WDR35: variants seen among roughly 807,000 people sequenced by gnomAD.
The protein encoded by WDR35 is WD repeat-containing protein 35.
A neutral mutation model predicts 158.3 loss-of-function variants in WDR35; 118 were observed. The ratio of observed to expected loss-of-function variants is 0.75; its 90% CI spans 0.64 to 0.87. The LOEUF (loss-of-function observed/expected upper bound fraction) is 0.87. WDR35 is among the 40% of genes least tolerant of loss of function. The probability of loss-of-function intolerance (pLI) is 0.00; values close to 1 mark genes in which losing one functional copy is unlikely to be tolerated. For synonymous variants in WDR35, 448 were observed against 476.1 expected (o/e 0.94, Z 0.77); for missense variants, 1,263 against 1,405.8 (o/e 0.90, Z 1.62).
At chr2:19,953,188 A>G (rs1318489688) in intron 12 of WDR35, among the ~76,000 whole-genome samples, 1 of 152,166 alleles carries the variant, frequency 6.6e-6, no homozygotes, top group Non-Finnish European at 1.5e-5. Context: ...GAGTATCACT[A>G]ATGGAGACAA....
intron 25 of WDR35, among the ~76,000 whole-genome samples, chr2:19,922,513 G>C (rs913223765): frequency 1.5e-5 from 2 of 130,366 alleles, no homozygotes; most frequent in Non-Finnish European, 3.1e-5. Flanking sequence ...AGTGGGAGTC[G>C]AACAATGAGA....
chr2:19,932,855 T>TA (rs1412391542), intron 22 of WDR35, among the ~76,000 whole-genome samples: 1 of 152,114 alleles, frequency 6.6e-6, no homozygotes, highest in Non-Finnish European at 1.5e-5. Flanking sequence ...AAAGGGGTTT[T>TA]AAAAAATAAG....
intron 25 of WDR35, among the ~76,000 whole-genome samples, chr2:19,917,301 A>C (rs1461874908): frequency 1.3e-5 from 2 of 152,244 alleles, no homozygotes; most frequent in Non-Finnish European, 2.9e-5. Context: ...CAGAGCAAAA[A>C]GGCTGAAAAT....
rs187719460 is a variant in WDR35, at chr2:19,938,509, T to C, written c.1927-108A>G. Reference sequence around the variant, plus strand: ...AAACAAAACAAGAAAAAAAACGGCATCATATTGTGAGCAAAATAAGGAAGA... The same window carrying C: ...AAACAAAACAAGAAAAAAAACGGCACCATATTGTGAGCAAAATAAGGAAGA... On this transcript the variant is annotated intron_variant, in intron 17 of 26. Transcript: ENST00000281405. The C allele has an allele frequency of 7.2e-5, 100 of 1,386,680 alleles. No homozygotes were observed. The African/African-American group carries it at 1.2e-3, about 17-fold the overall frequency. The allele number at this position is 1,386,680 out of a possible 1,614,324, so 85.9% of individuals were successfully genotyped here.
intron 25 of WDR35, among the ~76,000 whole-genome samples, chr2:19,921,977 A>G (rs1670182024): frequency 6.6e-6 from 1 of 152,272 alleles, no homozygotes; most frequent in Non-Finnish European, 1.5e-5. Context: ...AAAGCTCATC[A>G]TCACTGGTCA....
At chr2:19,982,817 A>G (rs1386717059) in intron 2 of WDR35, among the ~76,000 whole-genome samples, 1 of 152,210 alleles carries the variant, frequency 6.6e-6, no homozygotes, top group Non-Finnish European at 1.5e-5. Context: ...CCACAAATAG[A>G]AATATTTATG....
chr2:19,937,170 C>G (rs1420802421), intron 19 of WDR35, among the ~76,000 whole-genome samples: 3 of 152,210 alleles, frequency 2.0e-5, no homozygotes, highest in Non-Finnish European at 4.4e-5. Flanking sequence ...CAGACAGACT[C>G]TCCGCCTTGT....
chr2:19,969,329 C>A, intron 9 of WDR35, 151 bp downstream of exon 9: 2 of 738,276 alleles, frequency 2.7e-6, no homozygotes, highest in Non-Finnish European at 4.3e-6. Flanking sequence ...ATATAGTATT[C>A]TAGAAAAGTT....
intron 13 of WDR35, among the ~76,000 whole-genome samples, chr2:19,949,284 A>G (rs144588024): frequency 6.4e-4 from 98 of 152,338 alleles, no homozygotes; most frequent in African/African-American, 2.1e-3. Flanking sequence ...GTGGGCCAGG[A>G]AGGAGGAGTA....
At chr2:19,929,008 C>T (rs528890365) in intron 25 of WDR35, among the ~76,000 whole-genome samples, 3 of 152,192 alleles carry the variant, frequency 2.0e-5, no homozygotes, top group Admixed American at 6.5e-5. Flanking sequence ...AGGGTTTCAC[C>T]GTGTTAGCCG....
chr2:19,924,209 T>C (rs1200189758), intron 25 of WDR35, among the ~76,000 whole-genome samples: 2 of 152,106 alleles, frequency 1.3e-5, no homozygotes, highest in African/African-American at 4.8e-5. Context: ...TTTAGTGCTA[T>C]AAAACAGGGA....
Position 19,966,654 on chromosome 2 carries a change from T to A in WDR35, c.1194+70A>T. ...GTACTTGCCAGTGTAGAGGCCATGCTTGAAAAGGTAGAAAACTATAACCCA... is the reference window on the plus strand; with the variant it reads ...GTACTTGCCAGTGTAGAGGCCATGCATGAAAAGGTAGAAAACTATAACCCA... On this transcript the variant is annotated intron_variant, in intron 10 of 26. Transcript: ENST00000281405. 3 of 1,566,222 alleles carry A rather than the reference T, an allele frequency of 1.9e-6. No individual in the cohort carries two copies. The South Asian group carries it at 3.4e-5, about 18-fold the overall frequency.
At chr2:19,973,451 T>C in intron 8 of WDR35, 112 bp downstream of exon 8, 1 of 1,268,892 alleles carries the variant, frequency 7.9e-7, no homozygotes, top group Admixed American at 2.1e-5. Flanking sequence ...AGATGAAATG[T>C]CCCTAAAAGA....
In WDR35 at chr2:19,978,896, A is replaced by T. The variant is rs775927272; in HGVS notation, c.308-17T>A. ...TCCAAGAGCCTGTTTTCACAAATTT[A>T]AAAAATTACAAGTCAAAACTTTCAC... On this transcript the variant is annotated splice_polypyrimidine_tract_variant and intron_variant, in intron 4 of 26. Transcript: ENST00000281405. 6.2e-7 allele frequency: 1 copy of T among 1,613,086 alleles called. No individual in the cohort carries two copies. The highest frequency in any genetic ancestry group is 1.1e-5 in the South Asian group (1 of 91,068).
rs182928585 is a variant in WDR35, at chr2:19,931,398, T to C, written c.2835A>G (p.Glu945=). 1.3e-4 allele frequency: 211 copies of C among 1,613,336 alleles called. 1 individual carries two copies. In the Admixed American group the frequency reaches 3.5e-3, roughly 27 times the overall value. ...AAGGTTTACTTCCTTTCTTTGCCTC[T>C]TCATCTGCAATCTTAAACATTTTTC... The part of the protein sequence containing the change: ...AAKLMFKIAD[E]EAKKGSKPLR... Residue 945 remains glutamate, a synonymous_variant, in exon 24 of 27, where the codon GAA becomes GAG. Transcript: ENST00000281405.
intron 1 of WDR35, 36 bp downstream of exon 1, chr2:19,989,956 T>A: frequency 6.2e-7 from 1 of 1,612,882 alleles, no homozygotes; most frequent in Non-Finnish European, 8.5e-7. Context: ...GCTGCGGGAA[T>A]GGCGGAGAAA....
At chr2:19,962,215 TAC>T in intron 10 of WDR35, 4 of 1,491,344 alleles carry the variant, frequency 2.7e-6, no homozygotes, top group Non-Finnish European at 3.7e-6. Flanking sequence ...CTCATATTGC[TAC>T]AGTTTCTGAT....
Position 19,932,277 on chromosome 2 carries a change from C to A in WDR35, c.2823+6G>T. ...AATCAACTATTCACCAAGATTTTTA[C>A]ATTACCTTAAACATCAGTTTAGCTG... On this transcript the variant is annotated splice_donor_region_variant and intron_variant, in intron 23 of 26. Transcript: ENST00000281405. 1 of 1,613,002 alleles carries A rather than the reference C, an allele frequency of 6.2e-7. No homozygotes were observed. The highest frequency in any genetic ancestry group is 1.1e-5 in the South Asian group (1 of 91,044).
chr2:19,960,462 C>T, intron 11 of WDR35, 92 bp downstream of exon 11: 1 of 1,030,826 alleles, frequency 9.7e-7, no homozygotes, highest in African/African-American at 1.6e-5. Context: ...TAGAAAACAC[C>T]ATTCTAATTA....
Sources: allele counts gnomAD v4.1 joint callset (sites outside exome capture counted in the v4.1 genomes callset), GRCh38; gene constraint gnomAD v4.1.1; transcripts MANE v1.5; gene names NCBI Gene and HGNC (gene_info 2026-07-23, HGNC 2026-07-21).